Variants in ZNRF3 observed in about 807,000 individuals in gnomAD.
ZNRF3 encodes the protein E3 ubiquitin-protein ligase ZNRF3.
In ZNRF3, 23 loss-of-function variants were observed where a neutral mutation model predicts 72.5. The observed-to-expected ratio is 0.32, with a 90% CI of 0.23 to 0.45. The LOEUF (loss-of-function observed/expected upper bound fraction) is 0.45. Ranked by LOEUF, ZNRF3 falls within the 20% of genes least tolerant of loss-of-function variation. The probability of loss-of-function intolerance (pLI) is 1.00; values close to 1 mark genes in which losing one functional copy is unlikely to be tolerated. For missense variants in ZNRF3, 1,169 were observed against 1,272.1 expected (o/e 0.92, Z 1.23); for synonymous variants, 610 against 545.3 (o/e 1.12, Z -1.65).
Position 28,986,815 on chromosome 22 carries a change from G to A in ZNRF3, c.301-261G>A, listed in dbSNP as rs139530357. Among the ~76,000 whole-genome samples the A allele has an allele frequency of 3.3e-5, 5 of 152,264 alleles. No individual in the cohort carries two copies. In the East Asian group the frequency reaches 7.7e-4, roughly 24 times the overall value. On this transcript the variant is annotated intron_variant, in intron 1 of 8. Transcript: ENST00000544604. ...TTCTTTCCCTAGATCCTATTGGGCA[G>A]TTTCCACCTTGGATCACCATCACTT...
chr22:28,900,099 C>G (rs936723583), intron 1 of ZNRF3, among the ~76,000 whole-genome samples: 1 of 152,126 alleles, frequency 6.6e-6, no homozygotes, highest in Non-Finnish European at 1.5e-5. Flanking sequence ...CTGCCAACCT[C>G]CCTTGCCCTC....
chr22:29,027,347 C>T (rs990192115), intron 2 of ZNRF3, among the ~76,000 whole-genome samples: 1 of 152,122 alleles, frequency 6.6e-6, no homozygotes, highest in African/African-American at 2.4e-5. Context: ...CTCCCGGGTT[C>T]AAGTGATTCT....
At chr22:28,960,772 G>T (rs1044806164) in intron 1 of ZNRF3, among the ~76,000 whole-genome samples, 5 of 152,048 alleles carry the variant, frequency 3.3e-5, no homozygotes. Context: ...TACCTGCCAG[G>T]CTCCTGCTCA....
intron 1 of ZNRF3, among the ~76,000 whole-genome samples, chr22:28,962,265 T>TA (rs2035375051): frequency 6.6e-6 from 1 of 152,250 alleles, no homozygotes; most frequent in Admixed American, 6.5e-5. Context: ...TGGACAGCAC[T>TA]AGCCTAAAGC....
intron 1 of ZNRF3, among the ~76,000 whole-genome samples, chr22:28,962,956 A>C (rs1426974350): frequency 6.6e-6 from 1 of 152,140 alleles, no homozygotes; most frequent in Non-Finnish European, 1.5e-5. Flanking sequence ...GACTAAACAA[A>C]GAGGGTTATT....
At chr22:28,904,941 T>A (rs1203570274) in intron 1 of ZNRF3, among the ~76,000 whole-genome samples, 1 of 113,586 alleles carries the variant, frequency 8.8e-6, no homozygotes, top group Non-Finnish European at 1.7e-5. Context: ...TGAAAGTGTC[T>A]TTTTTTTTTT....
intron 1 of ZNRF3, among the ~76,000 whole-genome samples, chr22:28,916,040 G>A (rs1355391720): frequency 6.6e-6 from 1 of 152,150 alleles, no homozygotes; most frequent in African/African-American, 2.4e-5. Flanking sequence ...TGAATGTAGA[G>A]ATTTTTATTT....
At chr22:28,923,448 C>T (rs2034543031) in intron 1 of ZNRF3, among the ~76,000 whole-genome samples, 1 of 152,082 alleles carries the variant, frequency 6.6e-6, no homozygotes, top group Admixed American at 6.6e-5. Flanking sequence ...GGCTTTTTTT[C>T]CTTCTTAAAA....
At chr22:28,948,374 T>G (rs748456418) in intron 1 of ZNRF3, among the ~76,000 whole-genome samples, 2 of 149,968 alleles carry the variant, frequency 1.3e-5, no homozygotes, top group Non-Finnish European at 3.0e-5. Context: ...CTTTGCTGCC[T>G]AGGGTGGTCT....
Position 29,033,927 on chromosome 22 carries a change from A to G in ZNRF3, c.427-8568A>G, listed in dbSNP as rs557148081. ...TGTGCTGTGCTCTGCGAATAGCTGC[A>G]GAAGTAACTTGGGGACCCAAAATAA... On this transcript the variant is annotated intron_variant, in intron 2 of 8. Coordinates refer to ENST00000544604, the MANE Select transcript of ZNRF3 (RefSeq NM_001206998.2). Among the ~76,000 whole-genome samples the G allele has an allele frequency of 9.2e-5, 14 of 152,334 alleles. No homozygotes were observed. In the East Asian group the frequency reaches 2.7e-3, roughly 29 times the overall value.
intron 2 of ZNRF3, among the ~76,000 whole-genome samples, chr22:28,995,249 C>T (rs938813915): frequency 6.6e-6 from 1 of 151,982 alleles, no homozygotes; most frequent in African/African-American, 2.4e-5. Context: ...CTGGCTAACA[C>T]GGTGAAACCC....
chr22:29,003,076 A>T (rs1317664027), intron 2 of ZNRF3, among the ~76,000 whole-genome samples: 2 of 152,212 alleles, frequency 1.3e-5, no homozygotes, highest in African/African-American at 2.4e-5. Context: ...TTTTCCTGTT[A>T]TAAGATATTC....
At chr22:28,903,228 G>A (rs1055761778) in intron 1 of ZNRF3, among the ~76,000 whole-genome samples, 2 of 152,136 alleles carry the variant, frequency 1.3e-5, no homozygotes, top group Non-Finnish European at 2.9e-5. Flanking sequence ...AGTCGGGCAC[G>A]TGTGCACACA....
At chr22:28,892,179 G>T (rs1188115841) in intron 1 of ZNRF3, among the ~76,000 whole-genome samples, 1 of 152,222 alleles carries the variant, frequency 6.6e-6, no homozygotes, top group Admixed American at 6.5e-5. Flanking sequence ...ACATGCCTCA[G>T]TGGGCAAACA....
intron 2 of ZNRF3, among the ~76,000 whole-genome samples, chr22:29,036,124 G>C (rs1335658720): frequency 6.6e-6 from 1 of 152,116 alleles, no homozygotes; most frequent in Non-Finnish European, 1.5e-5. Context: ...TGGGATATAG[G>C]GGGTAACAGA....
intron 1 of ZNRF3, among the ~76,000 whole-genome samples, chr22:28,976,688 T>C (rs2035680265): frequency 6.6e-6 from 1 of 152,236 alleles, no homozygotes; most frequent in Non-Finnish European, 1.5e-5. Flanking sequence ...CAAATGTCCT[T>C]TATAAGTTGC....
Position 29,053,660 on chromosome 22 carries a change from A to T in ZNRF3, c.*38A>T, listed in dbSNP as rs777097749. 3 of 1,583,330 alleles carry T rather than the reference A, an allele frequency of 1.9e-6. No individual in the cohort carries two copies. The highest frequency in any genetic ancestry group is 4.5e-5 in the East Asian group (2 of 44,530). Reference sequence around the variant, plus strand: ...CTCTTACCTGGAAATTGGGAACTGTATGGAGACTCCAAACTGACTTCTTTC... The same window carrying T: ...CTCTTACCTGGAAATTGGGAACTGTTTGGAGACTCCAAACTGACTTCTTTC... On this transcript the variant is annotated 3_prime_UTR_variant, in exon 9 of 9. Coordinates refer to ENST00000544604, the MANE Select transcript of ZNRF3 (RefSeq NM_001206998.2).
chr22:29,033,170 C>T lies in ZNRF3; in HGVS notation c.427-9325C>T, dbSNP rs12169098. Among the ~76,000 whole-genome samples the T allele has an allele frequency of 4.6e-5, 7 of 152,066 alleles. No individual in the cohort carries two copies. The East Asian group carries it at 1.4e-3, about 29-fold the overall frequency. ...TTCAAGACCAGCCTGGCCAACATGG[C>T]GAAACCCTGTCTCTACTAAAAGTAG... On this transcript the variant is annotated intron_variant, in intron 2 of 8. Coordinates refer to ENST00000544604, the MANE Select transcript of ZNRF3 (RefSeq NM_001206998.2).
intron 2 of ZNRF3, among the ~76,000 whole-genome samples, chr22:29,009,970 A>C (rs576938989): frequency 6.9e-6 from 1 of 144,960 alleles, no homozygotes; most frequent in Admixed American, 7.2e-5. Flanking sequence ...CCAGTGGCTC[A>C]ATCTCGGCTC....
Sources: gnomAD v4.1 joint callset for allele counts (sites outside exome capture counted in the v4.1 genomes callset) on GRCh38, gnomAD v4.1.1 for gene constraint, MANE v1.5 for transcripts, NCBI Gene and HGNC (gene_info 2026-07-23, HGNC 2026-07-21) for gene names.